PPRC1: variants seen among roughly 807,000 people sequenced by gnomAD.
The protein encoded by PPRC1 is PPARG related coactivator 1.
PPRC1 carries 23 observed loss-of-function variants against 132.5 expected under a neutral mutation model. That is an observed-to-expected ratio of 0.17 (90% confidence interval 0.12 to 0.25). The LOEUF is 0.25. Among genes scored for constraint, PPRC1 ranks in the 10% least tolerant of loss-of-function variants. The probability of loss-of-function intolerance (pLI) is 1.00; values close to 1 mark genes in which losing one functional copy is unlikely to be tolerated. For synonymous variants in PPRC1, 872 were observed against 833.5 expected, an observed-to-expected ratio of 1.05 and a Z score of -0.80; for missense variants, 2,006 against 2,089.1, an observed-to-expected ratio of 0.96 and a Z score of 0.78.
chr10:102,136,244 C>T (rs931209904), intron 1 of PPRC1, among the ~76,000 whole-genome samples: 3 of 152,010 alleles, frequency 2.0e-5, no homozygotes, highest in East Asian at 3.9e-4. Context: ...CCTCCTAACG[C>T]GTCCTTAACC....
In PPRC1 at chr10:102,144,279, G is replaced by T. The variant is rs770035677; in HGVS notation, c.3580G>T (p.Ala1194Ser). 1.2e-6 allele frequency: 2 copies of T among 1,614,140 alleles called. No homozygotes were observed. Among genetic ancestry groups the T allele is most frequent in the Non-Finnish European group, 1.7e-6 (2 of 1,180,030 alleles). Reference protein sequence around the residue: ...AKKECPPPAPADSLAVGNSGG... With the variant: ...AKKECPPPAPSDSLAVGNSGG... ...AAAGGAGTGTCCTCCTCCGGCTCCT[G>T]CTGACAGCTTGGCTGTAGGAAACTC... The change falls in exon 7 of 14, where the codon GCT becomes TCT. Residue 1194 changes from alanine (A) to serine (S), a missense_variant. Around this residue, in one of 2 missense-constraint regions of PPRC1, gnomAD observed 1,914 missense variants for 1,917.2 expected, o/e 1.00. Transcript: ENST00000278070.
intron 5 of PPRC1, 75 bp downstream of exon 5, chr10:102,142,079 T>C (rs1220171407): frequency 1.4e-6 from 2 of 1,476,892 alleles, no homozygotes; most frequent in African/African-American, 2.8e-5. Flanking sequence ...GCCACCCTGA[T>C]GAGGCTGGCC....
At chr10:102,143,847 TCTC>T (rs2069105686) in intron 6 of PPRC1, among the ~76,000 whole-genome samples, 2 of 152,208 alleles carry the variant, frequency 1.3e-5, no homozygotes, top group Admixed American at 6.5e-5. Flanking sequence ...ACTATCTTCT[TCTC>T]AAGGAGCTTA....
chr10:102,130,675 C>T (rs539696748), upstream of PPRC1, among the ~76,000 whole-genome samples: 1 of 152,030 alleles, frequency 6.6e-6, no homozygotes, highest in Non-Finnish European at 1.5e-5. Context: ...GCGGAGGTTG[C>T]GGTGAGCCGA....
chr10:102,135,316 G>A (rs780604480), intron 1 of PPRC1, among the ~76,000 whole-genome samples: 1 of 152,138 alleles, frequency 6.6e-6, no homozygotes, highest in East Asian at 1.9e-4. Context: ...GAGAGGACAC[G>A]CTGGAGCAGA....
chr10:102,120,128 C>G, the PPRC1 span: 20 of 1,338,688 alleles, frequency 1.5e-5, no homozygotes, highest in Non-Finnish European at 1.9e-5. Flanking sequence ...TCGCCCGCCT[C>G]TGGGGGCCCA....
In PPRC1 at chr10:102,133,061, G is replaced by C. The variant is rs1326016347; in HGVS notation, c.-8G>C. 8.1e-7 allele frequency: 1 copy of C among 1,241,102 alleles called. No individual in the cohort carries two copies. The highest frequency in any genetic ancestry group is 1.0e-6 in the Non-Finnish European group (1 of 987,902). The allele number at this position is 1,241,102 out of a possible 1,614,324, so 76.9% of individuals were successfully genotyped here. The stretch of plus-strand genomic sequence containing the variant: ...GATCAGAGCAGCGCTGGGTGTTCAG[G>C]GGCCAAGATGGCGGCGCGCCGGGGA... On this transcript the variant is annotated 5_prime_UTR_variant, in exon 1 of 14. Coordinates refer to ENST00000278070, the MANE Select transcript of PPRC1 (RefSeq NM_015062.5).
intron 1 of PPRC1, among the ~76,000 whole-genome samples, chr10:102,136,525 C>G (rs751335123): frequency 3.9e-5 from 6 of 152,174 alleles, no homozygotes; most frequent in Non-Finnish European, 8.8e-5. Flanking sequence ...TCTAAAAATA[C>G]ATGAGTACAG....
chr10:102,138,526 C>A, intron 2 of PPRC1, 93 bp from the exon 3 acceptor site: 1 of 1,473,504 alleles, frequency 6.8e-7, no homozygotes, highest in Non-Finnish European at 9.2e-7. Context: ...TGAGTTGAAC[C>A]TGGGAGACTG....
In PPRC1 at chr10:102,133,160, G is replaced by A; in HGVS notation, c.92G>A (p.Gly31Asp). 7.9e-7 allele frequency: 1 copy of A among 1,266,324 alleles called. No individual in the cohort carries two copies. The allele number at this position is 1,266,324 out of a possible 1,614,324, so 78.4% of individuals were successfully genotyped here. A position where few individuals can be genotyped will look rare whatever the true frequency, so the allele number is the denominator to read the frequency against. Residue 31 changes from glycine (G) to aspartate (D), a missense_variant, in exon 1 of 14, where the codon GGT becomes GAT. Coordinates refer to ENST00000278070, the MANE Select transcript of PPRC1 (RefSeq NM_015062.5). ...PDPGGGARGS[G>D]WGSRSQAPYG... ...CCTGGCGGGGGAGCCCGCGGCAGTG[G>A]TTGGGGAAGTCGAAGCCAAGCGCCG...
intron 1 of PPRC1, among the ~76,000 whole-genome samples, chr10:102,135,591 C>T (rs1162015482): frequency 6.6e-6 from 1 of 152,128 alleles, no homozygotes; most frequent in African/African-American, 2.4e-5. Context: ...ATTGGTCAGG[C>T]TGGTCTTGAA....
chr10:102,129,397 C>A (rs1314211636), upstream of PPRC1, among the ~76,000 whole-genome samples: 1 of 152,062 alleles, frequency 6.6e-6, no homozygotes, highest in Non-Finnish European at 1.5e-5. Flanking sequence ...GTCACAACAC[C>A]CCTGTTCAGG....
In PPRC1 at chr10:102,140,668, G is replaced by A. The variant is rs1441881318; in HGVS notation, c.2160G>A (p.Lys720=). The change falls in exon 5 of 14, where the codon AAG becomes AAA. Residue 720 remains lysine, a synonymous_variant. Transcript: ENST00000278070. ...AGTCAGAGTCCTTGGACCCACCAAA[G>A]ACCATCATCCCTGAAGTCAAAGAGG... ...LVESESLDPP[K]TIIPEVKEVV... is the part of the protein sequence containing the mutation. The A allele has an allele frequency of 6.2e-7, 1 of 1,614,066 alleles. No individual in the cohort carries two copies. Among genetic ancestry groups the A allele is most frequent in the Non-Finnish European group, 8.5e-7 (1 of 1,180,026 alleles).
upstream of PPRC1, among the ~76,000 whole-genome samples, chr10:102,131,193 C>G (rs1294533714): frequency 1.2e-5 from 1 of 80,720 alleles, no homozygotes; most frequent in Non-Finnish European, 2.6e-5. Context: ...CACTCCATCT[C>G]AAAAAAAAAA....
At chr10:102,142,244 A>G (rs1019347470) in intron 5 of PPRC1, among the ~76,000 whole-genome samples, 4 of 151,636 alleles carry the variant, frequency 2.6e-5, no homozygotes, top group African/African-American at 4.8e-5. Context: ...CTGGGACTAC[A>G]GGTGCCCGCC....
chr10:102,143,249 T>A, intron 6 of PPRC1, 151 bp downstream of exon 6: 1 of 709,604 alleles, frequency 1.4e-6, no homozygotes, highest in East Asian at 2.7e-5. Flanking sequence ...GATTGAACTG[T>A]GACGGTAATC....
In PPRC1 at chr10:102,147,009, A is replaced by G. The variant is rs138929364; in HGVS notation, c.4017A>G (p.Pro1339=). The G allele has an allele frequency of 1.9e-6, 3 of 1,614,008 alleles. No homozygotes were observed. The highest frequency in any genetic ancestry group is 2.5e-6 in the Non-Finnish European group (3 of 1,180,014). ...TCAAACCTGTCTTGTCCTTGGGCCC[A>G]GCTGCCCCTCCGCCCCCATGCATAG... is the stretch of plus-strand genomic sequence containing the variant. ...ITIKPVLSLG[P]AAPPPPCIAA... Residue 1339 remains proline, a synonymous_variant, in exon 9 of 14, where the codon CCA becomes CCG. Coordinates refer to ENST00000278070, the MANE Select transcript of PPRC1 (RefSeq NM_015062.5).
rs148756204 is a variant in PPRC1, at chr10:102,141,760, T to C, written c.3252T>C (p.Cys1084=). Residue 1084 remains cysteine, a synonymous_variant, in exon 5 of 14, where the codon TGT becomes TGC. Coordinates refer to ENST00000278070, the MANE Select transcript of PPRC1 (RefSeq NM_015062.5). ...GTCCCCAGATGAAGGCTCTAGCATG[T>C]GTGTCTGCTGAAGGTGTGACTGTTG... ...VQSPQMKALA[C]VSAEGVTVEE... 5 of 1,613,922 alleles carry C rather than the reference T, an allele frequency of 3.1e-6. No individual in the cohort carries two copies. Among genetic ancestry groups the C allele is most frequent in the Non-Finnish European group, 3.4e-6 (4 of 1,179,884 alleles).
the PPRC1 span, among the ~76,000 whole-genome samples, chr10:102,122,130 A>G: frequency 1.3e-5 from 2 of 152,048 alleles, no homozygotes; most frequent in African/African-American, 4.8e-5. Context: ...ACCTGACTGA[A>G]GCCATCCACA....
Sources: gnomAD v4.1 joint callset for allele counts (sites outside exome capture counted in the v4.1 genomes callset) on GRCh38, gnomAD v4.1.1 for gene constraint, gnomAD v4.1.1 regional missense constraint, MANE v1.5 for transcripts, NCBI Gene and HGNC (gene_info 2026-07-23, HGNC 2026-07-21) for gene names.